The following FBXL13 variants were observed in gnomAD, a reference collection of about 807,000 sequenced individuals.
FBXL13 encodes the protein F-box and leucine rich repeat protein 13.
A neutral mutation model predicts 83.6 loss-of-function variants in FBXL13; 67 were observed. The ratio of observed to expected loss-of-function variants is 0.80; its 90% confidence interval spans 0.66 to 0.98. The LOEUF is 0.98. FBXL13 is among the 50% of genes least tolerant of loss of function. The pLI, the probability that FBXL13 is intolerant of heterozygous loss-of-function variation, is 0.00. For synonymous variants in FBXL13, 272 were observed against 299.5 expected (o/e 0.91, Z 0.95); for missense variants, 822 against 866.5 (o/e 0.95, Z 0.64).
At chr7:102,814,803 G>A (rs1391860853) in intron 19 of FBXL13, among the ~76,000 whole-genome samples, 1 of 152,066 alleles carries the variant, frequency 6.6e-6, no homozygotes, top group Non-Finnish European at 1.5e-5. Context: ...ATAATGTTTT[G>A]CATTCTGTTA....
chr7:102,829,027 C>G (rs1289161432), intron 18 of FBXL13, among the ~76,000 whole-genome samples: 1 of 152,182 alleles, frequency 6.6e-6, no homozygotes, highest in African/African-American at 2.4e-5. Flanking sequence ...ACTGGAACAG[C>G]CAGGCTCTGT....
intron 1 of FBXL13, among the ~76,000 whole-genome samples, chr7:103,069,065 T>C (rs1382766202): frequency 6.6e-6 from 1 of 150,968 alleles, no homozygotes; most frequent in East Asian, 2.0e-4. Flanking sequence ...GGAGCACCTC[T>C]GCCCGGCCGC....
At chr7:102,956,603 T>A (rs1221592812) in intron 8 of FBXL13, among the ~76,000 whole-genome samples, 4 of 152,210 alleles carry the variant, frequency 2.6e-5, no homozygotes, top group East Asian at 3.8e-4. Context: ...TGTCCCTGTT[T>A]GCAGATGACA....
intron 6 of FBXL13, among the ~76,000 whole-genome samples, chr7:103,002,831 C>T (rs1039527440): frequency 5.9e-5 from 9 of 152,088 alleles, no homozygotes; most frequent in Admixed American, 3.9e-4. Flanking sequence ...CTTTTAGAAT[C>T]CTCTTTGACC....
chr7:103,021,209 C>G (rs903011413), intron 6 of FBXL13, among the ~76,000 whole-genome samples: 2 of 152,046 alleles, frequency 1.3e-5, no homozygotes, highest in Non-Finnish European at 2.9e-5. Context: ...CTTTGACAAA[C>G]CTGACAAAAA....
At chr7:102,878,250 C>A in intron 15 of FBXL13, 81 bp downstream of exon 16, 1 of 1,247,210 alleles carries the variant, frequency 8.0e-7, no homozygotes, top group Non-Finnish European at 1.1e-6. Flanking sequence ...GTCATGAAAT[C>A]TTTGCTTTTA....
At chr7:102,824,538 T>G (rs1293702521) in intron 18 of FBXL13, among the ~76,000 whole-genome samples, 1 of 152,054 alleles carries the variant, frequency 6.6e-6, no homozygotes, top group Non-Finnish European at 1.5e-5. Flanking sequence ...CAGGCTGGAG[T>G]GTAGTGGCAC....
intron 11 of FBXL13, among the ~76,000 whole-genome samples, chr7:102,885,253 A>G (rs1218179316): frequency 2.0e-5 from 3 of 152,224 alleles, no homozygotes; most frequent in East Asian, 3.8e-4. Context: ...CCAGAAATCT[A>G]TAAGTGTTCC....
chr7:103,019,155 C>G (rs559424027), intron 6 of FBXL13, among the ~76,000 whole-genome samples: 15 of 152,326 alleles, frequency 9.8e-5, no homozygotes, highest in African/African-American at 3.6e-4. Context: ...AACTAGAACT[C>G]AGGATTAAGA....
intron 6 of FBXL13, among the ~76,000 whole-genome samples, chr7:103,020,372 T>G (rs532997174): frequency 6.6e-6 from 1 of 152,204 alleles, no homozygotes; most frequent in African/African-American, 2.4e-5. Flanking sequence ...AATATCATAA[T>G]GAATGAGCAA....
intron 6 of FBXL13, among the ~76,000 whole-genome samples, chr7:102,974,249 G>C (rs916268465): frequency 4.6e-5 from 7 of 152,132 alleles, no homozygotes; most frequent in African/African-American, 1.4e-4. Flanking sequence ...AATTAGCCGG[G>C]CATGGTGGCA....
At chr7:102,912,075 A>T (rs1398420466) in intron 11 of FBXL13, among the ~76,000 whole-genome samples, 1 of 152,182 alleles carries the variant, frequency 6.6e-6, no homozygotes, top group African/African-American at 2.4e-5. Context: ...TGCCTGCCCC[A>T]GTATCTAGCA....
intron 17 of FBXL13, among the ~76,000 whole-genome samples, chr7:102,837,362 A>T (rs1802178142): frequency 6.6e-6 from 1 of 152,238 alleles, no homozygotes; most frequent in Non-Finnish European, 1.5e-5. Flanking sequence ...ACATGGAGAG[A>T]ACTCTGAAAG....
At chr7:102,940,192 C>CCAAA (rs1213989400) in intron 8 of FBXL13, among the ~76,000 whole-genome samples, 1 of 150,578 alleles carries the variant, frequency 6.6e-6, no homozygotes, top group Non-Finnish European at 1.5e-5. Flanking sequence ...CCGCGCCTGG[C>CCAAA]CAAATGTAGT....
At chr7:102,920,438 C>T (rs1029595949) in intron 10 of FBXL13, among the ~76,000 whole-genome samples, 2 of 151,956 alleles carry the variant, frequency 1.3e-5, no homozygotes, top group Admixed American at 1.3e-4. Flanking sequence ...GCAGCCTCAA[C>T]CTCTGTGCTC....
At chr7:103,043,405 C>T (rs900376743) in intron 2 of FBXL13, among the ~76,000 whole-genome samples, 1 of 152,174 alleles carries the variant, frequency 6.6e-6, no homozygotes, top group African/African-American at 2.4e-5. Context: ...TTGTGGAAGA[C>T]AGTGTGGTGA....
chr7:102,907,795 CA>C (rs1487392679), intron 11 of FBXL13, among the ~76,000 whole-genome samples: 7 of 152,028 alleles, frequency 4.6e-5, no homozygotes, highest in African/African-American at 1.7e-4. Flanking sequence ...TTTATGCAGC[CA>C]ACAGACACAT....
chr7:102,883,747 A>T, intron 12 of FBXL13, 62 bp from the exon 14 acceptor site: 2 of 1,031,142 alleles, frequency 1.9e-6, no homozygotes, highest in Non-Finnish European at 2.9e-6. Flanking sequence ...CAAGGTAATG[A>T]AGTCACTTTT....
At chr7:102,989,282 TC>T (rs1415359074) in intron 6 of FBXL13, among the ~76,000 whole-genome samples, 1 of 152,240 alleles carries the variant, frequency 6.6e-6, no homozygotes, top group East Asian at 1.9e-4. Context: ...TCTGCTTTGA[TC>T]TGAAGGACAA....
Sources: gnomAD v4.1 joint callset for allele counts (sites outside exome capture counted in the v4.1 genomes callset) on GRCh38, gnomAD v4.1.1 for gene constraint, MANE v1.5 for transcripts, NCBI Gene and HGNC (gene_info 2026-07-23, HGNC 2026-07-21) for gene names.